Variants in SNX29 observed in about 807,000 individuals in gnomAD.
The protein encoded by SNX29 is sorting nexin-29.
SNX29 carries 78 observed loss-of-function variants against 102.1 expected under a neutral mutation model. That is an observed-to-expected ratio of 0.76 (90% CI 0.64 to 0.92). The LOEUF is 0.92. Among genes scored for constraint, SNX29 ranks in the 40% least tolerant of loss-of-function variants. SNX29 has a pLI of 0.00. For synonymous variants in SNX29, 580 were observed against 414.5 expected, an observed-to-expected ratio of 1.40 and a Z score of -4.85; for missense variants, 1,280 against 1,061.7, an observed-to-expected ratio of 1.21 and a Z score of -2.86.
chr16:12,352,368 C>T (rs11075061), intron 15 of SNX29, among the ~76,000 whole-genome samples: 2 of 150,224 alleles, frequency 1.3e-5, no homozygotes, highest in Non-Finnish European at 3.0e-5. Flanking sequence ...GACTGTTGTG[C>T]GGTGGGGGAA....
At chr16:12,066,915 C>A (rs973472249) in intron 9 of SNX29, among the ~76,000 whole-genome samples, 2 of 151,572 alleles carry the variant, frequency 1.3e-5, no homozygotes, top group African/African-American at 4.9e-5. Flanking sequence ...GAGTCTGAGG[C>A]AGGAGGATTG....
intron 3 of SNX29, among the ~76,000 whole-genome samples, chr16:12,013,541 A>ATATC (rs1325376334): frequency 1.7e-5 from 2 of 119,240 alleles, no homozygotes; most frequent in African/African-American, 6.2e-5. Flanking sequence ...ATATATATAT[A>ATATC]TCGAGAGAGG....
intron 20 of SNX29, among the ~76,000 whole-genome samples, chr16:12,537,779 A>G (rs1007730719): frequency 3.9e-5 from 6 of 152,030 alleles, no homozygotes; most frequent in African/African-American, 1.2e-4. Context: ...AAACAAAAAA[A>G]AGTAATAAAA....
intron 16 of SNX29, among the ~76,000 whole-genome samples, chr16:12,397,372 G>A (rs1226963763): frequency 2.0e-5 from 3 of 152,306 alleles, no homozygotes; most frequent in East Asian, 1.9e-4. Context: ...TTTCCTAGAT[G>A]TGTGACCTTG....
rs2053145521 is a variant in SNX29, at chr16:12,104,388, T to C, written c.1403-22245T>C. Among the ~76,000 whole-genome samples, 2 of 152,070 alleles carry C rather than the reference T, an allele frequency of 1.3e-5. 1 individual carries two copies. Among genetic ancestry groups the C allele is most frequent in the Non-Finnish European group, 2.9e-5 (2 of 68,010 alleles). ...CTGGCCAACTTGGTGAAACCCCATC[T>C]CTACTAAAAATACAAAAATTAGCTG... On this transcript the variant is annotated intron_variant, in intron 11 of 20. Transcript: ENST00000566228.
intron 13 of SNX29, among the ~76,000 whole-genome samples, chr16:12,135,114 C>A (rs2054612670): frequency 1.3e-5 from 2 of 152,190 alleles, no homozygotes; most frequent in Non-Finnish European, 2.9e-5. Context: ...TTTTCTTCTA[C>A]TCAGGCCCTG....
At chr16:12,034,598 T>G (rs1326632561) in intron 4 of SNX29, among the ~76,000 whole-genome samples, 3 of 152,160 alleles carry the variant, frequency 2.0e-5, no homozygotes, top group African/African-American at 7.2e-5. Flanking sequence ...CAGGGTGGCA[T>G]GGACTTGGGC....
At chr16:12,238,491 A>G (rs536218273) in intron 14 of SNX29, among the ~76,000 whole-genome samples, 21 of 152,048 alleles carry the variant, frequency 1.4e-4, no homozygotes, top group African/African-American at 4.6e-4. Flanking sequence ...ATGCCGGCCA[A>G]TTTTTGTATT....
In SNX29 at chr16:12,276,775, T is replaced by C. The variant is rs114955637; in HGVS notation, c.1679-1158T>C. On this transcript the variant is annotated intron_variant, in intron 14 of 20. Transcript: ENST00000566228. The stretch of plus-strand genomic sequence containing the variant: ...CTATCTGGTTCATTCTCAGCTTTTC[T>C]TTATTTGTTTTTCCCTGCAGAGTGG... 3.0e-3 allele frequency among the ~76,000 whole-genome samples: 450 copies of C among 152,302 alleles called. 2 individuals are homozygous for C. Among genetic ancestry groups the C allele is most frequent in the African/African-American group, 0.01 (426 of 41,560 alleles).
chr16:12,150,155 G>T (rs956396138), intron 13 of SNX29, among the ~76,000 whole-genome samples: 1 of 152,144 alleles, frequency 6.6e-6, no homozygotes, highest in Non-Finnish European at 1.5e-5. Context: ...GATCAGATCT[G>T]TTCGAGGGAC....
At chr16:12,205,313 C>T (rs2077017520) in intron 14 of SNX29, among the ~76,000 whole-genome samples, 1 of 152,304 alleles carries the variant, frequency 6.6e-6, no homozygotes, top group Non-Finnish European at 1.5e-5. Context: ...AATAACAATC[C>T]ACCAAAGCTG....
chr16:12,206,643 T>G (rs1417619185), intron 14 of SNX29, among the ~76,000 whole-genome samples: 2 of 152,096 alleles, frequency 1.3e-5, no homozygotes, highest in African/African-American at 2.4e-5. Context: ...TTAGTCTTTC[T>G]AGCAGGCCCA....
intron 20 of SNX29, among the ~76,000 whole-genome samples, chr16:12,561,393 CCGCCACACACA>C (rs1004841630): frequency 6.6e-6 from 1 of 152,164 alleles, no homozygotes; most frequent in Non-Finnish European, 1.5e-5. Context: ...GGCCACATCC[CCGCCACACACA>C]CAGATCAGTC....
Position 12,042,918 on chromosome 16 carries a change from T to C in SNX29, c.269T>C (p.Val90Ala). ...GTAGAGCCCGTGTTCTGGTACTACGTGAAGGAGGTCCTCAACAAGCACGAG... is the reference window on the plus strand; with the variant it reads ...GTAGAGCCCGTGTTCTGGTACTACGCGAAGGAGGTCCTCAACAAGCACGAG... ...TETEPVFWYY[V>A]KEVLNKHELQ... is the part of the protein sequence containing the mutation. The change falls in exon 5 of 21, where the codon GTG becomes GCG. Residue 90 changes from valine to alanine, a missense_variant. By Grantham distance (64) the Val-to-Ala change is moderately conservative. Transcript: ENST00000566228. The C allele has an allele frequency of 6.2e-7, 1 of 1,612,666 alleles. No individual in the cohort carries two copies.
chr16:12,550,990 C>T (rs975638036), intron 20 of SNX29, among the ~76,000 whole-genome samples: 4 of 152,140 alleles, frequency 2.6e-5, no homozygotes, highest in Admixed American at 6.5e-5. Flanking sequence ...AGCTGTTTCT[C>T]AATCTAAATA....
At position 12,236,143 on chromosome 16, in the gene SNX29, C is replaced by G. The variant is rs888756968; in HGVS notation, c.1678+36460C>G. On this transcript the variant is annotated intron_variant, in intron 14 of 20. Transcript: ENST00000566228. ...GGGCTTTGATTTTATATCTGTTTTC[C>G]CACATCAATCTGACATAAATCTCAT... Among the ~76,000 whole-genome samples, 3 of 152,088 alleles carry G rather than the reference C, an allele frequency of 2.0e-5. No homozygotes were observed. The East Asian group carries it at 5.8e-4, about 29-fold the overall frequency.
At chr16:12,385,084 C>T (rs1364814012) in intron 16 of SNX29, among the ~76,000 whole-genome samples, 1 of 152,156 alleles carries the variant, frequency 6.6e-6, no homozygotes, top group Non-Finnish European at 1.5e-5. Context: ...GCAGGAGAAT[C>T]GCTTGAACCC....
At chr16:12,139,308 C>G (rs2054782113) in intron 13 of SNX29, among the ~76,000 whole-genome samples, 1 of 151,148 alleles carries the variant, frequency 6.6e-6, no homozygotes, top group African/African-American at 2.4e-5. Flanking sequence ...AGTAGGTATT[C>G]CTGAATAGCG....
intron 11 of SNX29, among the ~76,000 whole-genome samples, chr16:12,120,810 G>T (rs2053942432): frequency 6.6e-6 from 1 of 152,164 alleles, no homozygotes; most frequent in Admixed American, 6.5e-5. Flanking sequence ...TCATGGTAAT[G>T]ATGTATGGGA....
Sources: gnomAD v4.1 joint callset for allele counts (sites outside exome capture counted in the v4.1 genomes callset) on GRCh38, gnomAD v4.1.1 for gene constraint, MANE v1.5 for transcripts, NCBI Gene and HGNC (gene_info 2026-07-23, HGNC 2026-07-21) for gene names.